THSD7B: variants seen among roughly 807,000 people sequenced by gnomAD.
THSD7B encodes the protein thrombospondin type-1 domain-containing protein 7B.
In THSD7B, 138 loss-of-function variants were observed where a neutral mutation model predicts 213.6. The ratio of observed to expected loss-of-function variants is 0.65; its 90% confidence interval spans 0.56 to 0.74. The LOEUF (loss-of-function observed/expected upper bound fraction) is 0.74. THSD7B is among the 30% of genes least tolerant of loss of function. The pLI is 0.00. For missense variants in THSD7B, 1,931 were observed against 1,991.5 expected (o/e 0.97, Z 0.58); for synonymous variants, 742 against 687.0 (o/e 1.08, Z -1.25).
chr2:137,303,720 A>ATATATTTATATATATT lies in THSD7B; in HGVS notation c.2500+27699_2500+27700insTTATATATATTTATAT, dbSNP rs1553437361. On this transcript the variant is annotated intron_variant, in intron 12 of 27. Coordinates refer to ENST00000409968, the MANE Select transcript of THSD7B (RefSeq NM_001316349.2). ...TATATATATTTATATATATATTTAT[A>ATATATTTATATATATT]TATATATTTATATATATATTTATAT... Among the ~76,000 whole-genome samples, 11 of 127,994 alleles carry ATATATTTATATATATT rather than the reference A, an allele frequency of 8.6e-5. No individual in the cohort carries two copies. The South Asian group carries it at 1.5e-3, about 17-fold the overall frequency. 84.0% of individuals were successfully genotyped at this position (127,994 alleles called of 152,430 possible).
intron 1 of THSD7B, among the ~76,000 whole-genome samples, chr2:136,770,973 G>A (rs1240712018): frequency 1.3e-5 from 2 of 152,062 alleles, no homozygotes; most frequent in African/African-American, 2.4e-5. Context: ...CTTCCTTCCT[G>A]TTAAGAGGAA....
chr2:137,116,802 G>A (rs144144482), intron 5 of THSD7B, among the ~76,000 whole-genome samples: 3 of 152,276 alleles, frequency 2.0e-5, no homozygotes, highest in African/African-American at 7.2e-5. Flanking sequence ...TAGTGTGGGG[G>A]TACGGGTGGA....
chr2:137,485,370 C>T (rs1452211652), intron 15 of THSD7B, among the ~76,000 whole-genome samples: 2 of 151,660 alleles, frequency 1.3e-5, no homozygotes, highest in Non-Finnish European at 2.9e-5. Context: ...TGTTCTGTTC[C>T]ATTGATCTAT....
At chr2:137,160,166 G>A in intron 5 of THSD7B, 47 bp from the exon 6 acceptor site, 4 of 1,574,760 alleles carry the variant, frequency 2.5e-6, no homozygotes, top group Non-Finnish European at 3.5e-6. Flanking sequence ...GCAATGCTAA[G>A]GATGTCCAGA....
chr2:137,344,745 T>G (rs543024220), intron 12 of THSD7B, among the ~76,000 whole-genome samples: 1 of 151,620 alleles, frequency 6.6e-6, no homozygotes, highest in African/African-American at 2.4e-5. Context: ...ATATAAGGAA[T>G]AGAAAGAGCA....
intron 2 of THSD7B, among the ~76,000 whole-genome samples, chr2:136,918,745 T>C (rs1684386266): frequency 6.6e-6 from 1 of 152,228 alleles, no homozygotes; most frequent in South Asian, 2.1e-4. Context: ...TCTGGCCTTT[T>C]CAGTGTTTTC....
intron 1 of THSD7B, among the ~76,000 whole-genome samples, chr2:136,823,748 C>T (rs754420182): frequency 1.3e-5 from 2 of 151,958 alleles, no homozygotes; most frequent in East Asian, 1.9e-4. Context: ...ATTGTATTAT[C>T]GTGTAGTTGC....
chr2:137,238,534 CTTTTTTTTTTTTTTT>C (rs869146863), intron 9 of THSD7B, among the ~76,000 whole-genome samples: 2 of 51,874 alleles, frequency 3.9e-5, no homozygotes, highest in African/African-American at 7.1e-5. Flanking sequence ...ACTCATCTTT[CTTTTTTTTTTTTTTT>C]TTTTTTTTTT....
At chr2:137,242,598 C>G (rs1261839348) in intron 10 of THSD7B, 26 bp downstream of exon 10, 1 of 1,537,932 alleles carries the variant, frequency 6.5e-7, no homozygotes, top group Non-Finnish European at 9.0e-7. Context: ...GTTCTTAGTT[C>G]TTTCTTCCCT....
At chr2:137,511,404 G>A (rs1251348909) in intron 15 of THSD7B, among the ~76,000 whole-genome samples, 1 of 152,168 alleles carries the variant, frequency 6.6e-6, no homozygotes, top group Non-Finnish European at 1.5e-5. Context: ...ATGATATGAT[G>A]CAGATGTTAT....
chr2:137,388,730 A>G (rs907081132), intron 12 of THSD7B, among the ~76,000 whole-genome samples: 14 of 152,092 alleles, frequency 9.2e-5, no homozygotes, highest in African/African-American at 3.4e-4. Flanking sequence ...CCATAAGATC[A>G]GCTTATTTAG....
chr2:137,280,206 T>A (rs1184943081), intron 12 of THSD7B, among the ~76,000 whole-genome samples: 2 of 152,134 alleles, frequency 1.3e-5, no homozygotes, highest in Non-Finnish European at 2.9e-5. Context: ...TATGAATCCA[T>A]AAAAGTAAAA....
chr2:137,284,345 A>C (rs1210131407), intron 12 of THSD7B, among the ~76,000 whole-genome samples: 1 of 152,054 alleles, frequency 6.6e-6, no homozygotes, highest in Non-Finnish European at 1.5e-5. Flanking sequence ...CTTTTCAAAA[A>C]TCCAGCTCCT....
At chr2:137,246,333 T>C (rs1682036653) in intron 10 of THSD7B, among the ~76,000 whole-genome samples, 3 of 152,196 alleles carry the variant, frequency 2.0e-5, no homozygotes, top group Admixed American at 1.3e-4. Context: ...AAATCTCTGA[T>C]GCCTGGATCC....
At chr2:137,469,495 T>C (rs1233530826) in intron 15 of THSD7B, among the ~76,000 whole-genome samples, 3 of 152,172 alleles carry the variant, frequency 2.0e-5, no homozygotes, top group Non-Finnish European at 2.9e-5. Context: ...CATTTACGTG[T>C]CACAAAATTC....
chr2:137,287,588 G>GT (rs1683216326), intron 12 of THSD7B, among the ~76,000 whole-genome samples: 1 of 152,070 alleles, frequency 6.6e-6, no homozygotes, highest in African/African-American at 2.4e-5. Flanking sequence ...GCAACCTAAG[G>GT]CAGTGATGCT....
At chr2:136,906,330 T>C (rs1558847017) in intron 2 of THSD7B, 1 of 152,186 alleles carries the variant, frequency 6.6e-6, no homozygotes, top group Non-Finnish European at 1.5e-5. Context: ...TGTGTGTTTG[T>C]GTATAATATA....
intron 7 of THSD7B, among the ~76,000 whole-genome samples, chr2:137,226,786 A>G (rs965528972): frequency 2.0e-5 from 3 of 148,528 alleles, no homozygotes; most frequent in African/African-American, 7.3e-5. Flanking sequence ...GTATATGCAC[A>G]TGCATATTCA....
intron 1 of THSD7B, among the ~76,000 whole-genome samples, chr2:136,842,999 C>G (rs1406950504): frequency 6.6e-6 from 1 of 152,090 alleles, no homozygotes; most frequent in East Asian, 1.9e-4. Context: ...TACTGACTGG[C>G]ATGGTCTCCC....
Sources: allele counts gnomAD v4.1 joint callset (sites outside exome capture counted in the v4.1 genomes callset), GRCh38; gene constraint gnomAD v4.1.1; transcripts MANE v1.5; gene names NCBI Gene and HGNC (gene_info 2026-07-23, HGNC 2026-07-21).